The following CREB5 variants were observed in gnomAD, a reference collection of about 807,000 sequenced individuals.
CREB5 encodes cyclic AMP-responsive element-binding protein 5.
CREB5 carries 19 observed loss-of-function variants against 57.1 expected under a neutral mutation model. The ratio of observed to expected loss-of-function variants is 0.33; its 90% CI spans 0.23 to 0.49. CREB5 has a LOEUF of 0.49. Among genes scored for constraint, CREB5 ranks in the 20% least tolerant of loss-of-function variants. CREB5 has a pLI of 0.99. For synonymous variants in CREB5, 238 were observed against 238.3 expected (o/e 1.00, Z 0.01); for missense variants, 579 against 671.6 (o/e 0.86, Z 1.52).
At chr7:28,384,245 C>T (rs1225976456) in intron 1 of CREB5, among the ~76,000 whole-genome samples, 1 of 152,128 alleles carries the variant, frequency 6.6e-6, no homozygotes, top group East Asian at 1.9e-4. Context: ...AATGGCAACC[C>T]CAGTGCGCAG....
intron 1 of CREB5, among the ~76,000 whole-genome samples, chr7:28,417,993 T>G (rs1193674484): frequency 6.6e-6 from 1 of 152,224 alleles, no homozygotes; most frequent in Non-Finnish European, 1.5e-5. Context: ...AGAAACCCTC[T>G]GTTTCGGAAA....
chr7:28,341,408 G>T (rs976727457), intron 1 of CREB5, among the ~76,000 whole-genome samples: 1 of 152,094 alleles, frequency 6.6e-6, no homozygotes, highest in African/African-American at 2.4e-5. Flanking sequence ...CCAATAAGCA[G>T]GTATTTTATA....
intron 5 of CREB5, among the ~76,000 whole-genome samples, chr7:28,705,147 G>A (rs888827005): frequency 1.3e-5 from 2 of 152,028 alleles, no homozygotes; most frequent in African/African-American, 2.4e-5. Flanking sequence ...GGCGGATCAC[G>A]AGGTCAGGAG....
intron 1 of CREB5, among the ~76,000 whole-genome samples, chr7:28,400,433 A>G (rs1787435225): frequency 6.6e-6 from 1 of 152,210 alleles, no homozygotes; most frequent in East Asian, 1.9e-4. Context: ...TTGACATAGC[A>G]TTAAATAGCC....
rs1554344532 is a variant in CREB5, at chr7:28,560,965, T to TGCGC, written c.292-9399_292-9398insCGCG. On this transcript the variant is annotated intron_variant, in intron 4 of 10. Transcript: ENST00000357727. The stretch of plus-strand genomic sequence containing the variant: ...GCGTGTGTGTGCGTGTGTGTGCGTG[T>TGCGC]GTGTGTGCGTGTGTGCGTGCGTGTG... Among the ~76,000 whole-genome samples, 6 of 36,408 alleles carry TGCGC rather than the reference T, an allele frequency of 1.6e-4. 1 individual carries two copies. Among genetic ancestry groups the TGCGC allele is most frequent in the African/African-American group, 6.6e-4 (5 of 7,542 alleles). 23.9% of individuals were successfully genotyped at this position (36,408 alleles called of 152,430 possible). A position where few individuals can be genotyped will look rare whatever the true frequency, so the allele number is the denominator to read the frequency against.
chr7:28,575,759 C>A (rs969141965), intron 5 of CREB5, among the ~76,000 whole-genome samples: 1 of 152,128 alleles, frequency 6.6e-6, no homozygotes, highest in Admixed American at 6.6e-5. Context: ...CTTTCACAGC[C>A]CCGAGAACAT....
At chr7:28,473,683 G>A (rs1790933666) in intron 1 of CREB5, among the ~76,000 whole-genome samples, 1 of 152,204 alleles carries the variant, frequency 6.6e-6, no homozygotes, top group Admixed American at 6.5e-5. Flanking sequence ...ACCCTGCACT[G>A]TGCTCGGCTG....
chr7:28,719,630 G>A (rs1250449575), intron 6 of CREB5, among the ~76,000 whole-genome samples: 1 of 152,172 alleles, frequency 6.6e-6, no homozygotes, highest in Non-Finnish European at 1.5e-5. Context: ...TTTTCCAGAT[G>A]AGGAGACTGA....
At chr7:28,560,332 T>C (rs1363796077) in intron 4 of CREB5, among the ~76,000 whole-genome samples, 1 of 152,154 alleles carries the variant, frequency 6.6e-6, no homozygotes. Flanking sequence ...GTTTAGGGTT[T>C]GCACAGGGGA....
At chr7:28,496,658 C>A (rs991112723) in intron 3 of CREB5, among the ~76,000 whole-genome samples, 5 of 152,172 alleles carry the variant, frequency 3.3e-5, no homozygotes, top group Non-Finnish European at 5.9e-5. Context: ...CCCAATACTC[C>A]CGGTGTCGGA....
chr7:28,505,226 A>C (rs1178052275), intron 3 of CREB5, among the ~76,000 whole-genome samples: 2 of 152,130 alleles, frequency 1.3e-5, no homozygotes, highest in Non-Finnish European at 2.9e-5. Flanking sequence ...ACATGCACAC[A>C]CGCACGCACA....
chr7:28,710,081 A>C (rs1388133124), intron 5 of CREB5, among the ~76,000 whole-genome samples: 2 of 152,186 alleles, frequency 1.3e-5, no homozygotes, highest in African/African-American at 4.8e-5. Context: ...TCAAGTGGAA[A>C]TTGATTTAAT....
In CREB5 at chr7:28,824,265, A is replaced by ATGT. The variant is rs1809943861; in HGVS notation, c.*4988_*4990dup. The ATGT allele has an allele frequency of 6.6e-6, 1 of 152,624 alleles. No individual in the cohort carries two copies. Among genetic ancestry groups the ATGT allele is most frequent in the African/African-American group, 2.4e-5 (1 of 41,450 alleles). The allele number at this position is 152,624 out of a possible 1,614,324, so 9.5% of individuals were successfully genotyped here. A position where few individuals can be genotyped will look rare whatever the true frequency, so the allele number is the denominator to read the frequency against. ...TTTATTCATAGCATGTTTTTTAAAA[A>ATGT]TGTTATATTATGCAACAGATGTGAG... On this transcript the variant is annotated 3_prime_UTR_variant, in exon 11 of 11. Transcript: ENST00000357727.
chr7:28,664,239 T>C (rs534808412), intron 5 of CREB5, among the ~76,000 whole-genome samples: 6 of 152,342 alleles, frequency 3.9e-5, no homozygotes, highest in South Asian at 2.1e-4. Flanking sequence ...TCCATAGAGA[T>C]AGAATTAACA....
intron 5 of CREB5, among the ~76,000 whole-genome samples, chr7:28,683,066 T>A (rs1194594216): frequency 6.6e-6 from 1 of 152,194 alleles, no homozygotes; most frequent in African/African-American, 2.4e-5. Context: ...AGCCAGCTAA[T>A]CTGGAGACCT....
intron 4 of CREB5, among the ~76,000 whole-genome samples, chr7:28,533,302 C>T (rs1793810493): frequency 1.3e-5 from 2 of 152,164 alleles, no homozygotes; most frequent in South Asian, 4.1e-4. Context: ...CCTCCCTTAA[C>T]CTTTATAAAC....
chr7:28,327,931 G>T (rs1785638012), intron 1 of CREB5, among the ~76,000 whole-genome samples: 1 of 152,162 alleles, frequency 6.6e-6, no homozygotes, highest in Admixed American at 6.5e-5. Flanking sequence ...GTCTGGTTTT[G>T]TTCAGACCCC....
intron 7 of CREB5, among the ~76,000 whole-genome samples, chr7:28,787,728 T>C (rs1807417373): frequency 6.6e-6 from 1 of 152,170 alleles, no homozygotes; most frequent in Non-Finnish European, 1.5e-5. Context: ...CTAATGTCTG[T>C]ATTTTTTATA....
intron 1 of CREB5, among the ~76,000 whole-genome samples, chr7:28,466,655 C>T (rs924511399): frequency 6.6e-6 from 1 of 152,094 alleles, no homozygotes; most frequent in African/African-American, 2.4e-5. Flanking sequence ...CAAATATGCC[C>T]TGAATGGTCT....
Sources: gnomAD v4.1 joint callset for allele counts (sites outside exome capture counted in the v4.1 genomes callset) on GRCh38, gnomAD v4.1.1 for gene constraint, MANE v1.5 for transcripts, NCBI Gene and HGNC (gene_info 2026-07-23, HGNC 2026-07-21) for gene names.